Variants in MYO5A observed in about 807,000 individuals in gnomAD.
MYO5A encodes the protein unconventional myosin-Va.
A neutral mutation model predicts 249.7 loss-of-function variants in MYO5A; 98 were observed. That is an observed-to-expected ratio of 0.39 (90% CI 0.33 to 0.46). The LOEUF (loss-of-function observed/expected upper bound fraction) is 0.46, where lower values mean the gene tolerates loss of function less well. MYO5A is among the 20% of genes least tolerant of loss of function. The pLI is 0.98. For synonymous variants in MYO5A, 778 were observed against 810.6 expected (o/e 0.96, Z 0.68); for missense variants, 1,696 against 2,308.8 (o/e 0.73, Z 5.44).
At chr15:52,378,582 G>C (rs1462319145) in intron 18 of MYO5A, among the ~76,000 whole-genome samples, 3 of 89,414 alleles carry the variant, frequency 3.4e-5, no homozygotes, top group East Asian at 3.5e-4. Context: ...AAAAAAAAAA[G>C]CATTGCTGAG....
intron 41 of MYO5A, 93 bp downstream of exon 41, chr15:52,314,030 A>G: frequency 7.6e-7 from 1 of 1,316,866 alleles, no homozygotes. Flanking sequence ...AAAATAAGAT[A>G]ATAAAAGATA....
intron 1 of MYO5A, among the ~76,000 whole-genome samples, chr15:52,465,648 C>T (rs1355728126): frequency 1.3e-5 from 2 of 152,038 alleles, no homozygotes; most frequent in Non-Finnish European, 2.9e-5. Flanking sequence ...CAGAGCAAGA[C>T]CCTGTCTCTA....
At chr15:52,449,855 G>A (rs2075977497) in intron 1 of MYO5A, among the ~76,000 whole-genome samples, 1 of 152,124 alleles carries the variant, frequency 6.6e-6, no homozygotes, top group African/African-American at 2.4e-5. Flanking sequence ...AACAGAATTA[G>A]CCAGGTGTGA....
At chr15:52,326,635 A>T (rs2038622770) in intron 36 of MYO5A, among the ~76,000 whole-genome samples, 1 of 152,198 alleles carries the variant, frequency 6.6e-6, no homozygotes, top group South Asian at 2.1e-4. Context: ...GATGATGGTG[A>T]TGGCTGTGCA....
intron 11 of MYO5A, among the ~76,000 whole-genome samples, chr15:52,393,912 T>C (rs2042372700): frequency 6.6e-6 from 1 of 152,206 alleles, no homozygotes. Context: ...TTCATTAATT[T>C]ATATGTAGTC....
At chr15:52,408,781 A>G (rs565492457) in intron 6 of MYO5A, among the ~76,000 whole-genome samples, 1 of 152,368 alleles carries the variant, frequency 6.6e-6, no homozygotes, top group Non-Finnish European at 1.5e-5. Context: ...TTATCACTAT[A>G]TCCTTCATTT....
intron 27 of MYO5A, among the ~76,000 whole-genome samples, chr15:52,351,740 C>A (rs769757086): frequency 6.6e-6 from 1 of 152,172 alleles, no homozygotes; most frequent in Non-Finnish European, 1.5e-5. Context: ...CTGGCCTGCC[C>A]AGGGTGTGTT....
chr15:52,525,638 T>C (rs1166719912), intron 1 of MYO5A, among the ~76,000 whole-genome samples: 1 of 152,226 alleles, frequency 6.6e-6, no homozygotes, highest in Non-Finnish European at 1.5e-5. Context: ...TAATACATCT[T>C]TCCTTGTAAT....
chr15:52,408,619 G>C (rs2043112365), intron 6 of MYO5A, among the ~76,000 whole-genome samples: 1 of 152,014 alleles, frequency 6.6e-6, no homozygotes, highest in African/African-American at 2.4e-5. Context: ...TATCATTTTA[G>C]TTTATACATT....
rs1409409148 is a variant in MYO5A, at chr15:52,408,155, G to C, written c.757-15C>G. ...TCCTCTTCTGCCTTCGAAATAAGAA[G>C]AGTTTTCAATTACAGCATTTTAATC... On this transcript the variant is annotated splice_polypyrimidine_tract_variant and intron_variant, in intron 6 of 41. Coordinates refer to ENST00000399233, the MANE Select transcript of MYO5A (RefSeq NM_001382347.1). The C allele has an allele frequency of 6.7e-7, 1 of 1,499,868 alleles. No homozygotes were observed. Among genetic ancestry groups the C allele is most frequent in the East Asian group, 2.3e-5 (1 of 44,148 alleles). 92.9% of individuals were successfully genotyped at this position (1,499,868 alleles called of 1,614,324 possible).
chr15:52,419,402 CTCTCT>C (rs1172186249), intron 4 of MYO5A, among the ~76,000 whole-genome samples: 1 of 152,194 alleles, frequency 6.6e-6, no homozygotes, highest in Non-Finnish European at 1.5e-5. Context: ...ACTTTAATCT[CTCTCT>C]TGTTAGAGAG....
intron 1 of MYO5A, among the ~76,000 whole-genome samples, chr15:52,434,125 G>A (rs964571770): frequency 1.3e-5 from 2 of 151,268 alleles, no homozygotes; most frequent in African/African-American, 4.9e-5. Context: ...TCAGCCTCAC[G>A]AGTAGCTGGG....
chr15:52,484,021 T>C (rs969612683), intron 1 of MYO5A, among the ~76,000 whole-genome samples: 7 of 152,166 alleles, frequency 4.6e-5, no homozygotes, highest in Non-Finnish European at 1.0e-4. Context: ...CAGTCAGAAC[T>C]AGAGAGACCA....
At chr15:52,375,234 A>G in intron 20 of MYO5A, 70 bp downstream of exon 20, 1 of 1,502,212 alleles carries the variant, frequency 6.7e-7, no homozygotes, top group Non-Finnish European at 9.3e-7. Flanking sequence ...CCCCTGTGGT[A>G]CTCTGTATAG....
chr15:52,316,886 G>C lies in MYO5A; in HGVS notation c.5409+162C>G, dbSNP rs192994331. Among the ~76,000 whole-genome samples, 25 of 152,170 alleles carry C rather than the reference G, an allele frequency of 1.6e-4. No individual in the cohort carries two copies. In the South Asian group the frequency reaches 2.1e-3, roughly 13 times the overall value. On this transcript the variant is annotated intron_variant, in intron 40 of 41. Transcript: ENST00000399233. Reference sequence around the variant, plus strand: ...TTAGCACTGAAATGTATTAATTTCTGGCAAAATCTCCTTGCTTTAAGATTG... The same window carrying C: ...TTAGCACTGAAATGTATTAATTTCTCGCAAAATCTCCTTGCTTTAAGATTG...
intron 1 of MYO5A, among the ~76,000 whole-genome samples, chr15:52,477,635 G>A (rs780508256): frequency 6.6e-6 from 1 of 152,172 alleles, no homozygotes; most frequent in Non-Finnish European, 1.5e-5. Flanking sequence ...TAACAGTCAG[G>A]ACCCTCAGCT....
Position 52,428,559 on chromosome 15 carries a change from T to C in MYO5A, c.149A>G (p.Tyr50Cys), listed in dbSNP as rs778023554. The C allele has an allele frequency of 1.2e-6, 2 of 1,614,174 alleles. No individual in the cohort carries two copies. The highest frequency in any genetic ancestry group is 1.7e-6 in the Non-Finnish European group (2 of 1,180,012). The change falls in exon 3 of 42, where the codon TAC (tyrosine) becomes TGC (cysteine). Residue 50 changes from tyrosine (Y) to cysteine (C), a missense_variant. Tyr to Cys is a radical substitution (Grantham distance 194). Coordinates refer to ENST00000399233, the MANE Select transcript of MYO5A (RefSeq NM_001382347.1). The stretch of plus-strand genomic sequence containing the variant: ...CTCCTTGGTCTTTGGATCTAGATGG[T>C]ATTCCAAATCCTGAAAATGCACAAG... ...LHLEEGKDLE[Y>C]HLDPKTKELP...
At chr15:52,339,790 C>T (rs777107151) in intron 32 of MYO5A, among the ~76,000 whole-genome samples, 2 of 152,210 alleles carry the variant, frequency 1.3e-5, no homozygotes, top group African/African-American at 2.4e-5. Flanking sequence ...AGAGGTGGAG[C>T]CTGGGATGGC....
intron 2 of MYO5A, among the ~76,000 whole-genome samples, chr15:52,431,526 G>C (rs566317238): frequency 2.0e-5 from 3 of 152,020 alleles, no homozygotes; most frequent in East Asian, 1.9e-4. Context: ...AGCTCTCTAT[G>C]CTAAGAGGGC....
Sources: gnomAD v4.1 joint callset for allele counts (sites outside exome capture counted in the v4.1 genomes callset) on GRCh38, gnomAD v4.1.1 for gene constraint, MANE v1.5 for transcripts, NCBI Gene and HGNC (gene_info 2026-07-23, HGNC 2026-07-21) for gene names.